DNAJC15: variants seen among roughly 807,000 people sequenced by gnomAD.
DNAJC15 encodes the protein DnaJ heat shock protein family (Hsp40) member C15.
A neutral mutation model predicts 22.4 loss-of-function variants in DNAJC15; 27 were observed. That is an observed-to-expected ratio of 1.20 (90% CI 0.89 to 1.66). The LOEUF (loss-of-function observed/expected upper bound fraction) is 1.66. DNAJC15 is among the 40% of genes most tolerant of loss of function. The pLI is 0.00. For synonymous variants in DNAJC15, 79 were observed against 63.2 expected, an observed-to-expected ratio of 1.25 and a Z score of -1.19; for missense variants, 208 against 187.1, an observed-to-expected ratio of 1.11 and a Z score of -0.65.
At chr13:43,029,108 A>G (rs980231627) in intron 1 of DNAJC15, among the ~76,000 whole-genome samples, 1 of 152,144 alleles carries the variant, frequency 6.6e-6, no homozygotes, top group African/African-American at 2.4e-5. Flanking sequence ...TGACACCTGT[A>G]TTTTTTCCTT....
chr13:43,079,885 T>G (rs1226419631), intron 4 of DNAJC15, among the ~76,000 whole-genome samples: 5 of 152,290 alleles, frequency 3.3e-5, no homozygotes, highest in Non-Finnish European at 5.9e-5. Context: ...CTTGGAAAAT[T>G]CAGTGATTAA....
rs574106846 is a variant in DNAJC15, at chr13:43,112,446, C to A, written c.*5198C>A. 20 of 152,150 alleles carry A rather than the reference C, an allele frequency of 1.3e-4. No individual in the cohort carries two copies. The highest frequency in any genetic ancestry group is 4.6e-4 in the African/African-American group (19 of 41,428). 9.4% of individuals were successfully genotyped at this position (152,150 alleles called of 1,614,324 possible). On this transcript the variant is annotated 3_prime_UTR_variant, in exon 6 of 6. Coordinates refer to ENST00000379221, the MANE Select transcript of DNAJC15 (RefSeq NM_013238.3). ...TTGGCCATAAATTTCAAATTAGTATCTCAACTTAGCAGGGGGGATCAACAG... is the reference window on the plus strand; with the variant it reads ...TTGGCCATAAATTTCAAATTAGTATATCAACTTAGCAGGGGGGATCAACAG...
chr13:43,031,856 C>T (rs571458110), intron 1 of DNAJC15, among the ~76,000 whole-genome samples: 5 of 152,232 alleles, frequency 3.3e-5, no homozygotes, highest in African/African-American at 9.6e-5. Context: ...AATTATGTCA[C>T]GGTCTAACTA....
chr13:43,102,015 G>A (rs114174345), intron 5 of DNAJC15, among the ~76,000 whole-genome samples: 40 of 152,160 alleles, frequency 2.6e-4, no homozygotes, highest in South Asian at 1.9e-3. Context: ...ACTATTTTCC[G>A]TAGTGGTTAT....
In DNAJC15 at chr13:43,023,635, C is replaced by G; in HGVS notation, c.9C>G (p.Ala3=). The G allele has an allele frequency of 6.2e-7, 1 of 1,610,948 alleles. No individual in the cohort carries two copies. Among genetic ancestry groups the G allele is most frequent in the East Asian group, 2.2e-5 (1 of 44,750 alleles). Residue 3 remains alanine, a synonymous_variant, in exon 1 of 6, where the codon GCC becomes GCG. Coordinates refer to ENST00000379221, the MANE Select transcript of DNAJC15 (RefSeq NM_013238.3). MA[A]RGVIAPVGES... is the part of the protein sequence containing the mutation. Reference sequence around the variant, plus strand: ...CTCCGGGCCGCCTTGCCATGGCTGCCCGTGGTGTCATCGCTCCAGTTGGCG... The same window carrying G: ...CTCCGGGCCGCCTTGCCATGGCTGCGCGTGGTGTCATCGCTCCAGTTGGCG...
rs1257204587 is a variant in DNAJC15, at chr13:43,110,733, A to G, written c.*3485A>G. ...AATTATGAGCTCTCTGAGAGCAAGGATCATATCAGTCTTGTTTATTGTTGC... is the reference window on the plus strand; with the variant it reads ...AATTATGAGCTCTCTGAGAGCAAGGGTCATATCAGTCTTGTTTATTGTTGC... On this transcript the variant is annotated 3_prime_UTR_variant, in exon 6 of 6. Transcript: ENST00000379221. The G allele has an allele frequency of 1.3e-5, 2 of 152,160 alleles. No individual in the cohort carries two copies. Among genetic ancestry groups the G allele is most frequent in the Non-Finnish European group, 2.9e-5 (2 of 68,026 alleles). 9.4% of individuals were successfully genotyped at this position (152,160 alleles called of 1,614,324 possible).
intron 4 of DNAJC15, among the ~76,000 whole-genome samples, chr13:43,084,822 C>G (rs2040679494): frequency 2.0e-5 from 3 of 151,488 alleles, no homozygotes; most frequent in Admixed American, 1.3e-4. Flanking sequence ...AAGCTTTTCC[C>G]ATGGGTTTTT....
In DNAJC15 at chr13:43,072,527, C is replaced by T. The variant is rs368579371; in HGVS notation, c.234+3524C>T. Among the ~76,000 whole-genome samples the T allele has an allele frequency of 1.2e-3, 181 of 151,570 alleles. 1 individual carries two copies. Among genetic ancestry groups the T allele is most frequent in the Non-Finnish European group, 1.4e-3 (97 of 67,960 alleles). On this transcript the variant is annotated intron_variant, in intron 3 of 5. Coordinates refer to ENST00000379221, the MANE Select transcript of DNAJC15 (RefSeq NM_013238.3). ...TTATTTTCCAGATCACCAGGTTGGC[C>T]TTTAGCAATGTCTATTCTGTTTTTC...
chr13:43,088,121 TAATC>T (rs756705790), intron 5 of DNAJC15, among the ~76,000 whole-genome samples: 15 of 152,174 alleles, frequency 9.9e-5, no homozygotes, highest in Non-Finnish European at 1.8e-4. Flanking sequence ...AATGCAGTCT[TAATC>T]AATGTGTATT....
rs770432964 is a variant in DNAJC15, at chr13:43,108,720, G to A, written c.*1472G>A. Reference sequence around the variant, plus strand: ...ACTAAAGACTAGTCGTTTCTCATCAGTTGTGACAACAAAAATGGTTCCAGA... The same window carrying A: ...ACTAAAGACTAGTCGTTTCTCATCAATTGTGACAACAAAAATGGTTCCAGA... On this transcript the variant is annotated 3_prime_UTR_variant, in exon 6 of 6. Coordinates refer to ENST00000379221, the MANE Select transcript of DNAJC15 (RefSeq NM_013238.3). 2 of 152,116 alleles carry A rather than the reference G, an allele frequency of 1.3e-5. No individual in the cohort carries two copies. Among genetic ancestry groups the A allele is most frequent in the Non-Finnish European group, 2.9e-5 (2 of 68,014 alleles). The allele number at this position is 152,116 out of a possible 1,614,324, so 9.4% of individuals were successfully genotyped here. A position where few individuals can be genotyped will look rare whatever the true frequency, so the allele number is the denominator to read the frequency against.
At position 43,040,084 on chromosome 13, in the gene DNAJC15, CAAGTTA is replaced by C. The variant is rs578119036; in HGVS notation, c.108+16354_108+16359del. On this transcript the variant is annotated intron_variant, in intron 1 of 5. Transcript: ENST00000379221. ...TAGTGAATTAAATAGCAGGGATGAG[CAAGTTA>C]AAGAATCTCACTCCTAGACCCAAAT... Among the ~76,000 whole-genome samples the C allele has an allele frequency of 1.3e-4, 20 of 152,220 alleles. No individual in the cohort carries two copies. In the East Asian group the frequency reaches 3.9e-3, roughly 29 times the overall value.
chr13:43,082,155 CTATAT>C (rs984876231), intron 4 of DNAJC15, among the ~76,000 whole-genome samples: 11 of 151,036 alleles, frequency 7.3e-5, no homozygotes, highest in African/African-American at 2.7e-4. Context: ...AACCATATCA[CTATAT>C]GTTACTCAAA....
intron 1 of DNAJC15, among the ~76,000 whole-genome samples, chr13:43,024,691 G>A (rs2040371509): frequency 6.6e-6 from 1 of 151,750 alleles, no homozygotes; most frequent in South Asian, 2.1e-4. Context: ...AGAGAAACAG[G>A]TGGGTTTGAT....
chr13:43,084,729 A>G (rs1453631063), intron 4 of DNAJC15, among the ~76,000 whole-genome samples: 1 of 152,224 alleles, frequency 6.6e-6, no homozygotes, highest in Non-Finnish European at 1.5e-5. Flanking sequence ...CCAATACTGG[A>G]TACATTGGGT....
chr13:43,089,710 C>T (rs2040705382), intron 5 of DNAJC15, among the ~76,000 whole-genome samples: 1 of 152,098 alleles, frequency 6.6e-6, no homozygotes, highest in African/African-American at 2.4e-5. Context: ...TAACTTTGTT[C>T]CAAATGCAAA....
chr13:43,090,629 A>G (rs1430153184), intron 5 of DNAJC15, among the ~76,000 whole-genome samples: 2 of 152,060 alleles, frequency 1.3e-5, no homozygotes, highest in African/African-American at 2.4e-5. Flanking sequence ...ATTGTTATCA[A>G]GGCGCTCTGG....
intron 4 of DNAJC15, among the ~76,000 whole-genome samples, chr13:43,082,137 C>T (rs939787952): frequency 3.3e-5 from 5 of 151,252 alleles, no homozygotes; most frequent in Non-Finnish European, 1.5e-5. Flanking sequence ...TGGGTGGAGA[C>T]AGAGCCAAAC....
chr13:43,102,848 C>T (rs577237474), intron 5 of DNAJC15, among the ~76,000 whole-genome samples: 14 of 152,102 alleles, frequency 9.2e-5, no homozygotes, highest in African/African-American at 3.4e-4. Flanking sequence ...ATATGCCAGC[C>T]TCATAAAAAG....
Position 43,087,944 on chromosome 13 carries a change from G to A in DNAJC15, c.382+2106G>A, listed in dbSNP as rs546918419. ...AAAAATAATGCAGTAAAAACATTTC[G>A]TGTCCTTGATCTAATGCTTTCAAGG... On this transcript the variant is annotated intron_variant, in intron 5 of 5. Transcript: ENST00000379221. 9.2e-5 allele frequency among the ~76,000 whole-genome samples: 14 copies of A among 152,194 alleles called. No individual in the cohort carries two copies. In the East Asian group the frequency reaches 2.1e-3, roughly 23 times the overall value.
Sources: allele counts gnomAD v4.1 joint callset (sites outside exome capture counted in the v4.1 genomes callset), GRCh38; gene constraint gnomAD v4.1.1; transcripts MANE v1.5; gene names NCBI Gene and HGNC (gene_info 2026-07-23, HGNC 2026-07-21).